Variants in CPHXL2 observed in about 807,000 individuals in gnomAD.
CPHXL2 encodes the protein cytoplasmic polyadenylated homeobox-like protein 2.
the CPHXL2 span, among the ~76,000 whole-genome samples, chr16:75,673,075 CAA>C: frequency 6.8e-5 from 5 of 73,182 alleles, no homozygotes; most frequent in African/African-American, 1.1e-4. Context: ...GACCTTGTCT[CAA>C]AAAAAAAAAA....
chr16:75,674,372 C>CAA, the CPHXL2 span, among the ~76,000 whole-genome samples: 277 of 52,770 alleles, frequency 5.2e-3, 1 homozygote, highest in Middle Eastern at 0.01. Context: ...GACTCCGTCT[C>CAA]AAAAAAAAAA....
At chr16:75,675,298 G>A in the CPHXL2 span, among the ~76,000 whole-genome samples, 4 of 151,378 alleles carry the variant, frequency 2.6e-5, no homozygotes, top group Non-Finnish European at 5.9e-5. Context: ...GGGATTACAG[G>A]TGTGAGCCAC....
At chr16:75,665,519 A>G in the CPHXL2 span, among the ~76,000 whole-genome samples, 2 of 152,206 alleles carry the variant, frequency 1.3e-5, no homozygotes, top group South Asian at 4.1e-4. Flanking sequence ...AAATGCATCA[A>G]AACATAGCCT....
chr16:75,666,498 C>T, the CPHXL2 span, among the ~76,000 whole-genome samples: 5 of 150,354 alleles, frequency 3.3e-5, no homozygotes, highest in Non-Finnish European at 7.4e-5. Flanking sequence ...ATTCCAGCTA[C>T]GTGGGAGGCT....
the CPHXL2 span, chr16:75,669,641 C>T: frequency 2.5e-6 from 1 of 397,188 alleles, no homozygotes; most frequent in Non-Finnish European, 4.4e-6. Flanking sequence ...CCATTGATTC[C>T]CTCCCCTTCC....
chr16:75,676,250 C>G, the CPHXL2 span, among the ~76,000 whole-genome samples: 6 of 152,088 alleles, frequency 3.9e-5, no homozygotes, highest in African/African-American at 1.4e-4. Context: ...TATGGAAGTT[C>G]TCACAATATT....
At chr16:75,669,986 C>T in the CPHXL2 span, among the ~76,000 whole-genome samples, 3 of 152,174 alleles carry the variant, frequency 2.0e-5, no homozygotes, top group Non-Finnish European at 4.4e-5. Context: ...GCGATCTTGG[C>T]TCACTGCAAC....
At chr16:75,671,361 CAA>C in the CPHXL2 span, among the ~76,000 whole-genome samples, 29 of 126,368 alleles carry the variant, frequency 2.3e-4, no homozygotes, top group Non-Finnish European at 1.3e-4. Context: ...GACTCTGTAT[CAA>C]AAAAAAAAAA....
the CPHXL2 span, among the ~76,000 whole-genome samples, chr16:75,672,676 G>C: frequency 6.6e-6 from 1 of 152,066 alleles, no homozygotes; most frequent in East Asian, 1.9e-4. Flanking sequence ...GTAGAGACAG[G>C]CCTTCACCAT....
the CPHXL2 span, chr16:75,661,309 G>A: frequency 7.5e-6 from 3 of 399,766 alleles, no homozygotes; most frequent in Non-Finnish European, 1.3e-5. Flanking sequence ...ATGCCTCTAT[G>A]CATTCCTTAA....
chr16:75,661,024 A>G, the CPHXL2 span: 2 of 400,474 alleles, frequency 5.0e-6, no homozygotes, highest in Non-Finnish European at 8.8e-6. Context: ...ATCTGTTGAC[A>G]GGCAATCCTC....
the CPHXL2 span, chr16:75,676,854 GAAT>G: frequency 1.3e-5 from 5 of 397,692 alleles, no homozygotes; most frequent in East Asian, 1.4e-4. Flanking sequence ...TACCCCCAGT[GAAT>G]AATATCAAAC....
At chr16:75,669,315 T>TAA in the CPHXL2 span, 8,619 of 367,484 alleles carry the variant, frequency 0.023, 3 homozygotes, top group East Asian at 0.069. Flanking sequence ...AGACCTTTCC[T>TAA]AAAAAAAAAA....
the CPHXL2 span, among the ~76,000 whole-genome samples, chr16:75,661,645 C>T: frequency 6.6e-6 from 1 of 151,950 alleles, no homozygotes; most frequent in African/African-American, 2.4e-5. Context: ...TTCCTACAAC[C>T]CTGCTACTTT....
At chr16:75,676,357 T>C in the CPHXL2 span, among the ~76,000 whole-genome samples, 1 of 152,162 alleles carries the variant, frequency 6.6e-6, no homozygotes, top group Non-Finnish European at 1.5e-5. Context: ...AAGGCCTCAC[T>C]CTGTCACCCA....
the CPHXL2 span, among the ~76,000 whole-genome samples, chr16:75,663,885 C>CAAAAAAA: frequency 7.7e-3 from 657 of 85,418 alleles, 35 homozygotes; most frequent in African/African-American, 0.029. Context: ...GACTCTGTCT[C>CAAAAAAA]AAAAAAAAAA....
chr16:75,673,379 G>C, the CPHXL2 span, among the ~76,000 whole-genome samples: 2 of 151,928 alleles, frequency 1.3e-5, no homozygotes, highest in African/African-American at 4.8e-5. Flanking sequence ...AGGCTGCAGT[G>C]AATGGTGATA....
chr16:75,670,072 G>A, the CPHXL2 span, among the ~76,000 whole-genome samples: 16 of 152,034 alleles, frequency 1.1e-4, no homozygotes, highest in African/African-American at 3.4e-4. Context: ...CTGCCACTAC[G>A]CCCAGCTAAT....
the CPHXL2 span, among the ~76,000 whole-genome samples, chr16:75,663,638 C>T: frequency 1.3e-5 from 2 of 152,132 alleles, no homozygotes; most frequent in African/African-American, 4.8e-5. Context: ...AATCCCAGCA[C>T]TTTGGGAGGC....
Sources: gnomAD v4.1 joint callset for allele counts (sites outside exome capture counted in the v4.1 genomes callset) on GRCh38, gnomAD v4.1.1 for gene constraint, MANE v1.5 for transcripts, NCBI Gene and HGNC (gene_info 2026-07-23, HGNC 2026-07-21) for gene names.